Variants in GLIS1 observed in about 807,000 individuals in gnomAD.
The protein encoded by GLIS1 is GLIS family zinc finger 1, also known as zinc finger protein GLIS1.
A neutral mutation model predicts 63.8 loss-of-function variants in GLIS1; 24 were observed. That is an observed-to-expected ratio of 0.38 (90% CI 0.27 to 0.53). GLIS1 has a LOEUF of 0.53. Ranked by LOEUF, GLIS1 falls within the 20% of genes least tolerant of loss-of-function variation. The pLI is 0.85. For synonymous variants in GLIS1, 450 were observed against 482.5 expected, an observed-to-expected ratio of 0.93 and a Z score of 0.88; for missense variants, 1,036 against 1,074.1, an observed-to-expected ratio of 0.96 and a Z score of 0.50.
chr1:53,548,840 T>C (rs145532529), intron 4 of GLIS1, among the ~76,000 whole-genome samples: 1 of 152,340 alleles, frequency 6.6e-6, no homozygotes, highest in East Asian at 1.9e-4. Flanking sequence ...TGATTTGGAG[T>C]ATATTCACAG....
chr1:53,635,090 TAAC>T (rs916339149), intron 2 of GLIS1, among the ~76,000 whole-genome samples: 3 of 151,866 alleles, frequency 2.0e-5, no homozygotes, highest in African/African-American at 7.3e-5. Context: ...TTTCAAGAAA[TAAC>T]AACAGGATTG....
At chr1:53,523,410 G>A (rs904765181) in intron 6 of GLIS1, among the ~76,000 whole-genome samples, 5 of 152,140 alleles carry the variant, frequency 3.3e-5, no homozygotes, top group African/African-American at 1.2e-4. Context: ...AGGGCCTGAG[G>A]CAGCTGCTTC....
At chr1:53,556,939 ATGTG>A (rs143925059) in intron 4 of GLIS1, among the ~76,000 whole-genome samples, 4 of 122,246 alleles carry the variant, frequency 3.3e-5, no homozygotes, top group East Asian at 2.8e-4. Context: ...TACTGCAGGT[ATGTG>A]TGTGTGTGTG....
intron 2 of GLIS1, among the ~76,000 whole-genome samples, chr1:53,615,520 A>C (rs535488887): frequency 1.3e-5 from 2 of 152,142 alleles, no homozygotes; most frequent in African/African-American, 4.8e-5. Context: ...GAAGGCACTG[A>C]GAGTATTTAA....
chr1:53,684,231 T>C (rs1570043801), intron 2 of GLIS1, among the ~76,000 whole-genome samples: 2 of 152,096 alleles, frequency 1.3e-5, no homozygotes, highest in Admixed American at 6.5e-5. Context: ...CTACCCTCTC[T>C]GGAGGGAGCC....
Position 53,556,231 on chromosome 1 carries a change from T to G in GLIS1, c.1321-26279A>C, listed in dbSNP as rs373780700. ...TATTGCAGGTGTGTGTGTATGCAGG[T>G]GTACTGTAGGTGTGTGTGTGTGTGC... On this transcript the variant is annotated intron_variant, in intron 4 of 10. Coordinates refer to ENST00000628545, the MANE Select transcript of GLIS1 (RefSeq NM_001367484.1). 2.9e-5 allele frequency among the ~76,000 whole-genome samples: 4 copies of G among 136,912 alleles called. 1 individual carries two copies. 89.8% of individuals were successfully genotyped at this position (136,912 alleles called of 152,430 possible).
chr1:53,548,378 T>C (rs1336077793), intron 4 of GLIS1, among the ~76,000 whole-genome samples: 5 of 152,116 alleles, frequency 3.3e-5, no homozygotes, highest in Non-Finnish European at 7.4e-5. Context: ...GTGTCCACCA[T>C]GGACAGGGGC....
chr1:53,554,868 C>A (rs558317513), intron 4 of GLIS1, among the ~76,000 whole-genome samples: 2 of 152,328 alleles, frequency 1.3e-5, no homozygotes, highest in South Asian at 4.1e-4. Flanking sequence ...AGGACACTGT[C>A]CTCCTCCTAA....
chr1:53,561,357 G>T (rs1319514859), intron 4 of GLIS1, among the ~76,000 whole-genome samples: 1 of 152,186 alleles, frequency 6.6e-6, no homozygotes, highest in African/African-American at 2.4e-5. Flanking sequence ...CATAATCCTG[G>T]AAGGCGCTGG....
chr1:53,513,631 G>A (rs1291768479), intron 8 of GLIS1, among the ~76,000 whole-genome samples: 4 of 152,104 alleles, frequency 2.6e-5, no homozygotes, highest in African/African-American at 7.2e-5. Flanking sequence ...CTTCCTTGCC[G>A]CACACCACTG....
At chr1:53,732,606 C>T (rs569557914) in intron 2 of GLIS1, among the ~76,000 whole-genome samples, 1 of 151,922 alleles carries the variant, frequency 6.6e-6, no homozygotes, top group African/African-American at 2.4e-5. Context: ...GGTCTTTTTT[C>T]CTGGCCCTGG....
intron 4 of GLIS1, among the ~76,000 whole-genome samples, chr1:53,556,297 GTA>G (rs1389022360): frequency 1.4e-4 from 19 of 137,552 alleles, no homozygotes; most frequent in African/African-American, 4.1e-4. Context: ...TGTACTGTAG[GTA>G]TGTGTGTGTG....
intron 2 of GLIS1, among the ~76,000 whole-genome samples, chr1:53,723,497 G>C (rs934477288): frequency 6.6e-6 from 1 of 152,086 alleles, no homozygotes; most frequent in Non-Finnish European, 1.5e-5. Flanking sequence ...GCCTCCCAAA[G>C]TGCTGGGATT....
chr1:53,574,432 C>G lies in GLIS1; in HGVS notation c.1320+19676G>C, dbSNP rs56208323. The stretch of plus-strand genomic sequence containing the variant: ...CAGGCATCATTACTGCCACAAGCAG[C>G]AGGGCCTCCCACGCAGTCTCCCCTG... On this transcript the variant is annotated intron_variant, in intron 4 of 10. Coordinates refer to ENST00000628545, the MANE Select transcript of GLIS1 (RefSeq NM_001367484.1). This position sits in a 1 kb window ranked among gnomAD's most constrained non-coding sequence, Gnocchi z 4.2. Among the ~76,000 whole-genome samples the G allele has an allele frequency of 0.099, 15,090 of 152,282 alleles. 841 individuals are homozygous for G. The highest frequency in any genetic ancestry group is 0.16 in the South Asian group (777 of 4,822).
chr1:53,554,311 C>T (rs761662657), intron 4 of GLIS1, among the ~76,000 whole-genome samples: 6 of 152,160 alleles, frequency 3.9e-5, no homozygotes, highest in Non-Finnish European at 7.3e-5. Flanking sequence ...CAATGAGTCA[C>T]GAGTAGAGAC....
At chr1:53,597,777 T>C (rs1056263914) in intron 3 of GLIS1, among the ~76,000 whole-genome samples, 5 of 152,046 alleles carry the variant, frequency 3.3e-5, no homozygotes, top group African/African-American at 4.8e-5. Flanking sequence ...ACCACTTTAA[T>C]AGGGAGGGTG....
chr1:53,681,353 G>A (rs1164512845), intron 2 of GLIS1, among the ~76,000 whole-genome samples: 4 of 152,244 alleles, frequency 2.6e-5, no homozygotes, highest in Admixed American at 1.3e-4. Context: ...CAGAGTTTCA[G>A]GGCCTCATCA....
chr1:53,561,036 A>G (rs1256175876), intron 4 of GLIS1, among the ~76,000 whole-genome samples: 1 of 152,068 alleles, frequency 6.6e-6, no homozygotes, highest in African/African-American at 2.4e-5. Flanking sequence ...CCGAGCCCCT[A>G]CTGTGTGCCA....
At chr1:53,725,490 G>C (rs1646796745) in intron 2 of GLIS1, among the ~76,000 whole-genome samples, 7 of 152,332 alleles carry the variant, frequency 4.6e-5, no homozygotes, top group African/African-American at 4.8e-5. Flanking sequence ...ACTGGCTGGA[G>C]AACTGGAGTC....
Sources: allele counts gnomAD v4.1 joint callset (sites outside exome capture counted in the v4.1 genomes callset), GRCh38; gene constraint gnomAD v4.1.1; non-coding constraint Gnocchi (gnomAD v3.1); transcripts MANE v1.5; gene names NCBI Gene and HGNC (gene_info 2026-07-23, HGNC 2026-07-21).